STIMATE: variants seen among roughly 807,000 people sequenced by gnomAD.
STIMATE encodes the protein store-operated calcium entry regulator STIMATE.
In STIMATE, 15 loss-of-function variants were observed where a neutral mutation model predicts 36.7. The observed-to-expected ratio is 0.41, with a 90% confidence interval of 0.27 to 0.63. The LOEUF is 0.63. Ranked by LOEUF, STIMATE falls within the 20% of genes least tolerant of loss-of-function variation. STIMATE has a pLI of 0.32. For synonymous variants in STIMATE, 163 were observed against 162.3 expected (o/e 1.00, Z -0.03); for missense variants, 305 against 397.3 (o/e 0.77, Z 1.98).
At position 52,849,487 on chromosome 3, in the gene STIMATE, C is replaced by T. The variant is rs117027792; in HGVS notation, c.427+305G>A. ...GGCAGAACGAAGAGTCCCTGCGGGCCTGTGTGTGGGACTGCTGGTGTCTTC... is the reference window on the plus strand; with the variant it reads ...GGCAGAACGAAGAGTCCCTGCGGGCTTGTGTGTGGGACTGCTGGTGTCTTC... On this transcript the variant is annotated intron_variant, in intron 4 of 7. Transcript: ENST00000355083. 8.5e-5 allele frequency among the ~76,000 whole-genome samples: 13 copies of T among 152,300 alleles called. No individual in the cohort carries two copies. In the East Asian group the frequency reaches 2.5e-3, roughly 29 times the overall value.
intron 1 of STIMATE, among the ~76,000 whole-genome samples, chr3:52,866,921 T>C (rs1701323052): frequency 6.6e-6 from 1 of 151,948 alleles, no homozygotes; most frequent in African/African-American, 2.4e-5. Flanking sequence ...TTAAGGGAGG[T>C]GCAGCCCAAG....
chr3:52,881,215 A>G (rs1466182821), intron 1 of STIMATE, among the ~76,000 whole-genome samples: 1 of 152,140 alleles, frequency 6.6e-6, no homozygotes, highest in African/African-American at 2.4e-5. Flanking sequence ...CAAAAAAAAA[A>G]AAAAAATGTA....
chr3:52,897,145 A>C, intron 1 of STIMATE, 146 bp downstream of exon 1: 1 of 1,034,306 alleles, frequency 9.7e-7, no homozygotes, highest in Non-Finnish European at 1.3e-6. Flanking sequence ...GGCTACCCCT[A>C]GTGCAGGAAT....
At chr3:52,859,630 A>G (rs1386680434) in intron 1 of STIMATE, among the ~76,000 whole-genome samples, 1 of 140,774 alleles carries the variant, frequency 7.1e-6, no homozygotes, top group East Asian at 2.2e-4. Context: ...TAAGTTTAAG[A>G]GTGCCACTGT....
intron 1 of STIMATE, among the ~76,000 whole-genome samples, chr3:52,879,582 G>A (rs183529869): frequency 1.2e-3 from 177 of 152,256 alleles, no homozygotes; most frequent in Non-Finnish European, 2.8e-4. Flanking sequence ...CTGAGAACTG[G>A]GAACACCGGC....
At chr3:52,890,804 C>T (rs975151589) in intron 1 of STIMATE, among the ~76,000 whole-genome samples, 4 of 152,220 alleles carry the variant, frequency 2.6e-5, no homozygotes, top group Non-Finnish European at 4.4e-5. Context: ...CCTGAAGCCA[C>T]CCAGAGCCCT....
At chr3:52,855,953 AC>A (rs1701084732) in intron 1 of STIMATE, among the ~76,000 whole-genome samples, 1 of 152,232 alleles carries the variant, frequency 6.6e-6, no homozygotes, top group Non-Finnish European at 1.5e-5. Context: ...CTGTCGCAGA[AC>A]GATGGCACAA....
intron 1 of STIMATE, among the ~76,000 whole-genome samples, chr3:52,884,618 G>A (rs970255467): frequency 6.6e-6 from 1 of 152,186 alleles, no homozygotes; most frequent in African/African-American, 2.4e-5. Context: ...TGTCACTATA[G>A]ATTAGAATTC....
In STIMATE at chr3:52,839,308, G is replaced by A. The variant is rs961842616; in HGVS notation, c.*1186C>T. The A allele has an allele frequency of 2.0e-5, 3 of 152,310 alleles. No individual in the cohort carries two copies. The highest frequency in any genetic ancestry group is 7.2e-5 in the African/African-American group (3 of 41,454). The allele number at this position is 152,310 out of a possible 1,614,324, so 9.4% of individuals were successfully genotyped here. Reference sequence around the variant, plus strand: ...CAAATAGGTGACACTAGGATGACAGGTACCAGGGCAGCAGGAGAGGAGGCT... The same window carrying A: ...CAAATAGGTGACACTAGGATGACAGATACCAGGGCAGCAGGAGAGGAGGCT... On this transcript the variant is annotated 3_prime_UTR_variant, in exon 8 of 8. Transcript: ENST00000355083.
intron 1 of STIMATE, among the ~76,000 whole-genome samples, chr3:52,867,572 C>T (rs1464209441): frequency 6.6e-6 from 1 of 152,260 alleles, no homozygotes; most frequent in Non-Finnish European, 1.5e-5. Context: ...CCCTCTGCCC[C>T]ATGGCATGTT....
intron 7 of STIMATE, among the ~76,000 whole-genome samples, 164 bp downstream of exon 7, chr3:52,842,647 G>C (rs1308243831): frequency 1.3e-5 from 2 of 152,240 alleles, no homozygotes; most frequent in African/African-American, 4.8e-5. Flanking sequence ...GCTGGACAGA[G>C]CTGTCTGCCC....
intron 1 of STIMATE, among the ~76,000 whole-genome samples, chr3:52,887,897 T>C (rs1701715483): frequency 1.3e-5 from 2 of 151,912 alleles, no homozygotes; most frequent in Admixed American, 6.6e-5. Context: ...AATGATTTAT[T>C]TAAACACACT....
intron 7 of STIMATE, among the ~76,000 whole-genome samples, 181 bp from the exon 8 acceptor site, chr3:52,840,791 C>T (rs1016711216): frequency 1.3e-5 from 2 of 151,616 alleles, no homozygotes; most frequent in Non-Finnish European, 2.9e-5. Context: ...CCTCTGCCTC[C>T]TGGGTTCGAG....
intron 1 of STIMATE, among the ~76,000 whole-genome samples, chr3:52,896,534 C>T (rs907151001): frequency 6.6e-6 from 1 of 152,006 alleles, no homozygotes; most frequent in Admixed American, 6.5e-5. Flanking sequence ...CACTAAGGTG[C>T]CCAAGTTTAA....
At chr3:52,884,096 T>C (rs560081434) in intron 1 of STIMATE, among the ~76,000 whole-genome samples, 1 of 152,296 alleles carries the variant, frequency 6.6e-6, no homozygotes, top group East Asian at 1.9e-4. Context: ...AAGGCTTTTT[T>C]CCCCTTTCTC....
chr3:52,847,648 A>G (rs1700930343), intron 4 of STIMATE: 2 of 976,198 alleles, frequency 2.0e-6, no homozygotes, highest in South Asian at 1.3e-5. Context: ...GATGGGCAGG[A>G]TAACAGGTGT....
At chr3:52,888,590 T>C (rs1001283814) in intron 1 of STIMATE, among the ~76,000 whole-genome samples, 1 of 152,214 alleles carries the variant, frequency 6.6e-6, no homozygotes, top group African/African-American at 2.4e-5. Flanking sequence ...GCACTGTTAC[T>C]ACCTCATGCC....
intron 1 of STIMATE, among the ~76,000 whole-genome samples, chr3:52,878,502 T>C (rs1701539614): frequency 6.6e-6 from 1 of 152,156 alleles, no homozygotes; most frequent in Non-Finnish European, 1.5e-5. Flanking sequence ...CTGTACCACC[T>C]CTGCTCCCTG....
chr3:52,837,536 C>G lies in STIMATE; in HGVS notation c.*2958G>C, dbSNP rs1700723648. On this transcript the variant is annotated 3_prime_UTR_variant, in exon 8 of 8. Transcript: ENST00000355083. The stretch of plus-strand genomic sequence containing the variant: ...ACCACCACCTGGATCTCACTAACAT[C>G]CCCCCTTGCCATTGTCAACAACCCT... 6.6e-6 allele frequency: 1 copy of G among 152,558 alleles called. No individual in the cohort carries two copies. The highest frequency in any genetic ancestry group is 1.5e-5 in the Non-Finnish European group (1 of 68,296). The allele number at this position is 152,558 out of a possible 1,614,324, so 9.5% of individuals were successfully genotyped here.
Sources: gnomAD v4.1 joint callset for allele counts (sites outside exome capture counted in the v4.1 genomes callset) on GRCh38, gnomAD v4.1.1 for gene constraint, MANE v1.5 for transcripts, NCBI Gene and HGNC (gene_info 2026-07-23, HGNC 2026-07-21) for gene names.